The following SCML2 variants were observed in gnomAD, a reference collection of about 807,000 sequenced individuals.
SCML2 encodes sex comb on midleg-like protein 2.
A neutral mutation model predicts 48.4 loss-of-function variants in SCML2; 6 were observed. The ratio of observed to expected loss-of-function variants is 0.12; its 90% CI spans 0.07 to 0.24. SCML2 has a LOEUF of 0.24. Among genes scored for constraint, SCML2 ranks in the 10% least tolerant of loss-of-function variants. The pLI is 1.00. For synonymous variants in SCML2, 181 were observed against 189.5 expected (o/e 0.95, Z 0.37); for missense variants, 377 against 528.2 (o/e 0.71, Z 2.81).
chrX:18,317,849 A>G (rs1189882148), intron 6 of SCML2, among the ~76,000 whole-genome samples: 28 of 108,751 alleles, frequency 2.6e-4, no homozygotes, highest in Middle Eastern at 4.7e-3. Flanking sequence ...AAAAAAAAAA[A>G]AAAAGAAAAA....
intron 1 of SCML2, among the ~76,000 whole-genome samples, chrX:18,351,947 CATTA>C (rs1203465296): frequency 9.0e-6 from 1 of 111,524 alleles, no homozygotes; most frequent in East Asian, 2.8e-4. Flanking sequence ...ACTTTACCAT[CATTA>C]ATTATTTCTC....
At chrX:18,268,337 T>C (rs1927326698) in intron 7 of SCML2, among the ~76,000 whole-genome samples, 2 of 111,374 alleles carry the variant, frequency 1.8e-5, no homozygotes, top group African/African-American at 6.5e-5. Context: ...CCAGATCAGT[T>C]TGACCAACAT....
At chrX:18,292,358 A>C (rs1602110791) in intron 7 of SCML2, among the ~76,000 whole-genome samples, 1 of 111,625 alleles carries the variant, frequency 9.0e-6, no homozygotes, top group African/African-American at 3.2e-5. Flanking sequence ...AGTATTCATC[A>C]TATCATCTAG....
intron 1 of SCML2, among the ~76,000 whole-genome samples, chrX:18,351,996 C>T (rs959156854): frequency 1.3e-4 from 14 of 111,610 alleles, no homozygotes; most frequent in Non-Finnish European, 1.1e-4. Flanking sequence ...GACCATTTCA[C>T]TGATGCGGAA....
At position 18,260,220 on chromosome X, in the gene SCML2, C is replaced by T. The variant is rs1927011652; in HGVS notation, c.1020G>A (p.Met340Ile). The change falls in exon 9 of 15, where the codon ATG becomes ATA. Residue 340 changes from methionine (M) to isoleucine (I), a missense_variant. Coordinates refer to ENST00000251900, the MANE Select transcript of SCML2 (RefSeq NM_006089.3). ...GCCCAGAAGCGACATCTTTATATAA[C>T]ATGCCACGGTCTCTGGTCAGCGATT... ...SLKSLTRDRGMLYKDVASGPC... is the reference protein window; with the variant it reads ...SLKSLTRDRGILYKDVASGPC... 8.3e-7 allele frequency: 1 copy of T among 1,201,695 alleles called. No homozygotes were observed. Among genetic ancestry groups the T allele is most frequent in the Non-Finnish European group, 1.1e-6 (1 of 887,800 alleles).
intron 7 of SCML2, among the ~76,000 whole-genome samples, chrX:18,268,612 GT>G (rs1927337573): frequency 9.2e-6 from 1 of 108,880 alleles, no homozygotes; most frequent in Non-Finnish European, 1.9e-5. Context: ...CAAATGAAAA[GT>G]TTTCTCGGTG....
chrX:18,350,072 G>A (rs910725685), intron 1 of SCML2, among the ~76,000 whole-genome samples: 2 of 111,676 alleles, frequency 1.8e-5, no homozygotes, highest in African/African-American at 6.5e-5. Context: ...AGAACAGCCT[G>A]GCCAACATGG....
intron 11 of SCML2, among the ~76,000 whole-genome samples, chrX:18,248,806 G>A (rs972058579): frequency 8.9e-6 from 1 of 112,135 alleles, no homozygotes; most frequent in Non-Finnish European, 1.9e-5. Flanking sequence ...TGGAATATTC[G>A]AGTTCTAAAA....
At chrX:18,260,597 T>TTTTTTTTTTTTTTTTTTTTTTTTGAGACG (rs1927028722) in intron 8 of SCML2, among the ~76,000 whole-genome samples, 1 of 109,708 alleles carries the variant, frequency 9.1e-6, no homozygotes, top group African/African-American at 3.5e-5. Context: ...CTTTATTTTT[T>TTTTTTTTTTTTTTTTTTTTTTTTGAGACG]GAGGTTCCCT....
Position 18,256,952 on chromosome X carries a change from T to G in SCML2, c.1352A>C (p.Asn451Thr), listed in dbSNP as rs1009108864. The stretch of plus-strand genomic sequence containing the variant: ...ATCACACTGCAGACTGTGGCAGAAG[T>G]TCTCAAGAAAGCGAAGAGCAAATGA... ...SASFALRFLENFCHSLQCDNL... is the reference protein window; with the variant it reads ...SASFALRFLETFCHSLQCDNL... The change falls in exon 11 of 15, where the codon AAC (asparagine) becomes ACC (threonine). Residue 451 changes from asparagine to threonine, a missense_variant. Asn to Thr is a moderately conservative substitution (Grantham distance 65). Transcript: ENST00000251900. 8.3e-7 allele frequency: 1 copy of G among 1,206,991 alleles called. No individual in the cohort carries two copies. The highest frequency in any genetic ancestry group is 1.8e-5 in the African/African-American group (1 of 56,981).
chrX:18,321,598 GAAAAAAAAAAAAA>G (rs776249974), intron 5 of SCML2, among the ~76,000 whole-genome samples: 3 of 40,601 alleles, frequency 7.4e-5, no homozygotes, highest in African/African-American at 2.7e-4. Context: ...CACAATTGTT[GAAAAAAAAAAAAA>G]AAAAAAAACA....
intron 1 of SCML2, among the ~76,000 whole-genome samples, chrX:18,352,939 T>C (rs756587861): frequency 1.8e-5 from 2 of 111,908 alleles, no homozygotes; most frequent in Admixed American, 1.9e-4. Flanking sequence ...GCATGATGTA[T>C]ATATAAAGTT....
chrX:18,299,873 G>C (rs1466670604), intron 7 of SCML2, among the ~76,000 whole-genome samples: 1 of 109,766 alleles, frequency 9.1e-6, no homozygotes, highest in Non-Finnish European at 1.9e-5. Context: ...CCAGCAGCTA[G>C]GACTATAGGC....
chrX:18,247,535 A>C (rs1165478563), intron 12 of SCML2, among the ~76,000 whole-genome samples: 1 of 112,034 alleles, frequency 8.9e-6, no homozygotes, highest in East Asian at 2.8e-4. Context: ...TTAGCAATAC[A>C]AAAGTGAAGG....
chrX:18,252,625 T>C (rs1242290261), intron 11 of SCML2, among the ~76,000 whole-genome samples: 1 of 112,624 alleles, frequency 8.9e-6, no homozygotes, highest in African/African-American at 3.2e-5. Flanking sequence ...CCTCAAAGTA[T>C]AGCAGTCATA....
chrX:18,288,904 G>C (rs1211627578), intron 7 of SCML2, among the ~76,000 whole-genome samples: 1 of 111,274 alleles, frequency 9.0e-6, no homozygotes, highest in South Asian at 3.8e-4. Context: ...TGGTTTAAGG[G>C]GGGAGGAGTG....
At chrX:18,317,571 G>A (rs963030740) in intron 6 of SCML2, among the ~76,000 whole-genome samples, 1 of 111,886 alleles carries the variant, frequency 8.9e-6, no homozygotes, top group African/African-American at 3.2e-5. Context: ...GGTGGCTCAC[G>A]CCTGTAATCC....
At chrX:18,289,878 G>A (rs1928173504) in intron 7 of SCML2, among the ~76,000 whole-genome samples, 1 of 111,312 alleles carries the variant, frequency 9.0e-6, no homozygotes, top group African/African-American at 3.3e-5. Flanking sequence ...GAATGGGATG[G>A]GAGTGTGGAA....
rs762711337 is a variant in SCML2 at position 18,336,552 on chromosome X, C to T, written c.-24-2457G>A. ...GAGTACAAGACCATCCTAGCTAAAA[C>T]GGTGAAACCCCGTCTCTACTAAAAA... On this transcript the variant is annotated intron_variant, in intron 1 of 14. Transcript: ENST00000251900. Among the ~76,000 whole-genome samples, 24 of 107,078 alleles carry T rather than the reference C, an allele frequency of 2.2e-4. 1 individual carries two copies. Among genetic ancestry groups the T allele is most frequent in the African/African-American group, 7.9e-4 (23 of 29,290 alleles). The allele number at this position is 107,078 out of a possible 115,157, so 93.0% of individuals were successfully genotyped here. A position where few individuals can be genotyped will look rare whatever the true frequency, so the allele number is the denominator to read the frequency against.
Sources: allele counts gnomAD v4.1 joint callset (sites outside exome capture counted in the v4.1 genomes callset), GRCh38; gene constraint gnomAD v4.1.1; transcripts MANE v1.5; gene names NCBI Gene and HGNC (gene_info 2026-07-23, HGNC 2026-07-21).